Variants in SLC41A2 observed in about 807,000 individuals in gnomAD.
SLC41A2 encodes the protein solute carrier family 41 member 2, also known as SLC41A1-like 1.
In SLC41A2, 32 loss-of-function variants were observed where a neutral mutation model predicts 58.3. That is an observed-to-expected ratio of 0.55 (90% CI 0.41 to 0.74). The LOEUF (loss-of-function observed/expected upper bound fraction) is 0.74. SLC41A2 is among the 30% of genes least tolerant of loss of function. SLC41A2 has a pLI of 0.00. For synonymous variants in SLC41A2, 190 were observed against 235.0 expected (o/e 0.81, Z 1.75); for missense variants, 514 against 680.6 (o/e 0.76, Z 2.72).
At chr12:104,933,706 C>CAT (rs918067474) in intron 1 of SLC41A2, among the ~76,000 whole-genome samples, 5 of 151,726 alleles carry the variant, frequency 3.3e-5, no homozygotes, top group Non-Finnish European at 7.4e-5. Flanking sequence ...CACACACACC[C>CAT]ATATATATAC....
intron 8 of SLC41A2, among the ~76,000 whole-genome samples, 182 bp from the exon 9 acceptor site, chr12:104,846,156 G>C (rs2042593557): frequency 1.3e-5 from 2 of 152,142 alleles, no homozygotes; most frequent in Admixed American, 1.3e-4. Flanking sequence ...ATCATTGTTA[G>C]ATAAGATTAA....
intron 1 of SLC41A2, among the ~76,000 whole-genome samples, chr12:104,943,472 G>A (rs149561197): frequency 0.029 from 4,465 of 152,106 alleles, 191 homozygotes; most frequent in African/African-American, 0.1. Flanking sequence ...TTCCAGAATC[G>A]AAGCTGTAAA....
At position 104,925,334 on chromosome 12, in the gene SLC41A2, G is replaced by A. The variant is rs757068107; in HGVS notation, c.555+2639C>T. On this transcript the variant is annotated intron_variant, in intron 2 of 10. Coordinates refer to ENST00000258538, the MANE Select transcript of SLC41A2 (RefSeq NM_001352171.3). ...AGCACTTTGGGAGGCCGAGACAGGC[G>A]GATCACGAGGTCAGGAAATTGAGAC... Among the ~76,000 whole-genome samples the A allele has an allele frequency of 3.9e-5, 6 of 152,264 alleles. No individual in the cohort carries two copies. In the South Asian group the frequency reaches 8.3e-4, roughly 21 times the overall value.
At chr12:104,812,618 G>A (rs2041223222) in intron 10 of SLC41A2, among the ~76,000 whole-genome samples, 1 of 152,048 alleles carries the variant, frequency 6.6e-6, no homozygotes, top group South Asian at 2.1e-4. Flanking sequence ...GAAGCAAAAT[G>A]AGGGCTTGAA....
At position 104,947,562 on chromosome 12, in the gene SLC41A2, A is replaced by G. The variant is rs146487742; in HGVS notation, c.-168+10526T>C. 6.6e-4 allele frequency among the ~76,000 whole-genome samples: 100 copies of G among 151,836 alleles called. 2 individuals are homozygous for G. The highest frequency in any genetic ancestry group is 6.0e-3 in the Admixed American group (91 of 15,256). ...ATTTTCTATTTAAAAAATCAACTGG[A>G]TTTTAATATTCATATTTTATATAAC... On this transcript the variant is annotated intron_variant, in intron 1 of 10. Coordinates refer to ENST00000258538, the MANE Select transcript of SLC41A2 (RefSeq NM_001352171.3).
chr12:104,934,649 G>T (rs1475200059), intron 1 of SLC41A2, among the ~76,000 whole-genome samples: 1 of 152,170 alleles, frequency 6.6e-6, no homozygotes, highest in Non-Finnish European at 1.5e-5. Context: ...ATCAACAGAT[G>T]AATCGATAAA....
At position 104,802,949 on chromosome 12, in the gene SLC41A2, C is replaced by T. The variant is rs1165169591; in HGVS notation, c.*2203G>A. Reference sequence around the variant, plus strand: ...ACTTCACAATTTGGTCATTTTGCAGCTGTACAACCTTAGAAATGTAAGTTC... The same window carrying T: ...ACTTCACAATTTGGTCATTTTGCAGTTGTACAACCTTAGAAATGTAAGTTC... On this transcript the variant is annotated 3_prime_UTR_variant, in exon 11 of 11. Coordinates refer to ENST00000258538, the MANE Select transcript of SLC41A2 (RefSeq NM_001352171.3). 2.6e-5 allele frequency: 4 copies of T among 152,138 alleles called. No homozygotes were observed. The highest frequency in any genetic ancestry group is 9.7e-5 in the African/African-American group (4 of 41,444). 9.4% of individuals were successfully genotyped at this position (152,138 alleles called of 1,614,324 possible). A position where few individuals can be genotyped will look rare whatever the true frequency, so the allele number is the denominator to read the frequency against.
intron 1 of SLC41A2, among the ~76,000 whole-genome samples, chr12:104,933,636 C>A (rs1167739794): frequency 6.6e-6 from 1 of 151,890 alleles, no homozygotes; most frequent in African/African-American, 2.4e-5. Flanking sequence ...TGGAACAAAC[C>A]TAAGTGCCCA....
At chr12:104,914,517 A>G (rs2046226551) in intron 2 of SLC41A2, among the ~76,000 whole-genome samples, 1 of 152,216 alleles carries the variant, frequency 6.6e-6, no homozygotes, top group African/African-American at 2.4e-5. Flanking sequence ...GTGTGATCTA[A>G]TGTTGAAATG....
At chr12:104,871,616 C>T (rs1436463171) in intron 6 of SLC41A2, among the ~76,000 whole-genome samples, 2 of 152,120 alleles carry the variant, frequency 1.3e-5, no homozygotes, top group African/African-American at 4.8e-5. Flanking sequence ...GATATCCTTC[C>T]AATATTTCCC....
chr12:104,875,274 T>C (rs932631853), intron 6 of SLC41A2, among the ~76,000 whole-genome samples: 3 of 152,192 alleles, frequency 2.0e-5, no homozygotes, highest in Non-Finnish European at 4.4e-5. Context: ...TTCATTTATT[T>C]TGTTGTCGTT....
chr12:104,927,915 T>A, intron 2 of SLC41A2, 58 bp downstream of exon 2: 1 of 1,466,332 alleles, frequency 6.8e-7, no homozygotes, highest in Non-Finnish European at 9.1e-7. Context: ...TAAAGCATTT[T>A]AAACAGAAAT....
chr12:104,831,846 A>C (rs1028914212), intron 10 of SLC41A2, among the ~76,000 whole-genome samples: 2 of 152,228 alleles, frequency 1.3e-5, no homozygotes, highest in Non-Finnish European at 2.9e-5. Context: ...TTTCAATGGG[A>C]TATCAGAATC....
At chr12:104,865,389 G>A (rs1593024284) in intron 7 of SLC41A2, among the ~76,000 whole-genome samples, 1 of 152,178 alleles carries the variant, frequency 6.6e-6, no homozygotes, top group African/African-American at 2.4e-5. Flanking sequence ...TGAGGGGGCA[G>A]TCACATGGGT....
intron 2 of SLC41A2, among the ~76,000 whole-genome samples, chr12:104,913,905 C>T (rs1398082491): frequency 6.6e-6 from 1 of 152,068 alleles, no homozygotes; most frequent in African/African-American, 2.4e-5. Flanking sequence ...AACCCCATCT[C>T]TGCAAAAATT....
rs541824144 is a variant in SLC41A2, at chr12:104,922,555, G to C, written c.555+5418C>G. On this transcript the variant is annotated intron_variant, in intron 2 of 10. Transcript: ENST00000258538. Reference sequence around the variant, plus strand: ...ACATTTATAAATCTAAAGAGAGAGAGATAGACTACAATACAGTAATAGTAG... The same window carrying C: ...ACATTTATAAATCTAAAGAGAGAGACATAGACTACAATACAGTAATAGTAG... Among the ~76,000 whole-genome samples, 11 of 152,152 alleles carry C rather than the reference G, an allele frequency of 7.2e-5. No individual in the cohort carries two copies. The East Asian group carries it at 2.1e-3, about 29-fold the overall frequency.
intron 3 of SLC41A2, among the ~76,000 whole-genome samples, chr12:104,906,435 C>T (rs1353055341): frequency 6.6e-6 from 1 of 152,002 alleles, no homozygotes; most frequent in Non-Finnish European, 1.5e-5. Flanking sequence ...AAATGCAGTA[C>T]CTATTACCAA....
intron 10 of SLC41A2, among the ~76,000 whole-genome samples, chr12:104,807,974 A>G (rs894292621): frequency 1.3e-5 from 2 of 152,180 alleles, no homozygotes; most frequent in African/African-American, 2.4e-5. Context: ...GGCTGAGACG[A>G]TGGGGTTTTC....
intron 10 of SLC41A2, among the ~76,000 whole-genome samples, chr12:104,807,319 G>C (rs1449158062): frequency 1.3e-5 from 2 of 152,152 alleles, no homozygotes; most frequent in Non-Finnish European, 2.9e-5. Flanking sequence ...TTATTAAATA[G>C]GGAATCCTTT....
Sources: allele counts gnomAD v4.1 joint callset (sites outside exome capture counted in the v4.1 genomes callset), GRCh38; gene constraint gnomAD v4.1.1; transcripts MANE v1.5; gene names NCBI Gene and HGNC (gene_info 2026-07-23, HGNC 2026-07-21).